SNTB1: variants seen among roughly 807,000 people sequenced by gnomAD.
SNTB1 encodes syntrophin beta 1.
A neutral mutation model predicts 48.9 loss-of-function variants in SNTB1; 36 were observed. The ratio of observed to expected loss-of-function variants is 0.74; its 90% CI spans 0.56 to 0.97. The LOEUF (loss-of-function observed/expected upper bound fraction) is 0.97, where lower values mean the gene tolerates loss of function less well. Among genes scored for constraint, SNTB1 ranks in the 50% least tolerant of loss-of-function variants. SNTB1 has a pLI of 0.00. For missense variants in SNTB1, 786 were observed against 703.4 expected, an observed-to-expected ratio of 1.12 and a Z score of -1.33; for synonymous variants, 299 against 294.6, an observed-to-expected ratio of 1.01 and a Z score of -0.15.
intron 2 of SNTB1, chr8:120,655,102 G>T: frequency 3.1e-6 from 1 of 320,798 alleles, no homozygotes; most frequent in South Asian, 2.4e-5. Flanking sequence ...ACATTTTGGG[G>T]TGTTTTTATT....
At chr8:120,795,140 A>C (rs1820101280) in intron 1 of SNTB1, among the ~76,000 whole-genome samples, 1 of 152,122 alleles carries the variant, frequency 6.6e-6, no homozygotes, top group South Asian at 2.1e-4. Flanking sequence ...TTTGTATCAA[A>C]TAACTATTTT....
chr8:120,749,876 A>C (rs1383394832), intron 1 of SNTB1, among the ~76,000 whole-genome samples: 1 of 152,106 alleles, frequency 6.6e-6, no homozygotes, highest in African/African-American at 2.4e-5. Flanking sequence ...TTTCTTTTTC[A>C]GGTGCAAAAA....
chr8:120,729,102 A>T (rs1231853401), intron 1 of SNTB1, among the ~76,000 whole-genome samples: 7 of 151,580 alleles, frequency 4.6e-5, no homozygotes, highest in Non-Finnish European at 2.9e-5. Context: ...CCTCAGCCTT[A>T]CAAGTAGCTG....
intron 1 of SNTB1, among the ~76,000 whole-genome samples, chr8:120,794,474 C>A (rs1225811733): frequency 6.7e-6 from 1 of 148,966 alleles, no homozygotes; most frequent in African/African-American, 2.5e-5. Context: ...AGTGTATGTA[C>A]TATTTTATAT....
In SNTB1 at chr8:120,734,754, A is replaced by G. The variant is rs762124645; in HGVS notation, c.572-40846T>C. On this transcript the variant is annotated intron_variant, in intron 1 of 6. Coordinates refer to ENST00000517992, the MANE Select transcript of SNTB1 (RefSeq NM_021021.4). Reference sequence around the variant, plus strand: ...GAACCTCCTCCAGAAAGAGAGCAAAATTGCAGCATCTATGTCATGTGGCCA... The same window carrying G: ...GAACCTCCTCCAGAAAGAGAGCAAAGTTGCAGCATCTATGTCATGTGGCCA... 1.6e-4 allele frequency among the ~76,000 whole-genome samples: 24 copies of G among 152,320 alleles called. No individual in the cohort carries two copies. In the South Asian group the frequency reaches 1.7e-3, roughly 11 times the overall value.
intron 4 of SNTB1, among the ~76,000 whole-genome samples, chr8:120,555,998 G>A (rs549341045): frequency 1.6e-4 from 24 of 152,160 alleles, no homozygotes; most frequent in Non-Finnish European, 2.1e-4. Context: ...CTAAATGTCT[G>A]TTGTTGGCAC....
intron 3 of SNTB1, among the ~76,000 whole-genome samples, chr8:120,592,695 T>C (rs1378778641): frequency 2.0e-5 from 3 of 152,132 alleles, no homozygotes; most frequent in Admixed American, 2.0e-4. Flanking sequence ...AGGCATTACA[T>C]AAGCCGTCAA....
At chr8:120,633,762 G>A (rs1047165320) in intron 2 of SNTB1, among the ~76,000 whole-genome samples, 5 of 152,064 alleles carry the variant, frequency 3.3e-5, no homozygotes, top group South Asian at 2.1e-4. Context: ...ACTTTATGTC[G>A]TTAACTTCTT....
intron 1 of SNTB1, among the ~76,000 whole-genome samples, chr8:120,747,365 G>A (rs1484057227): frequency 6.6e-6 from 1 of 152,144 alleles, no homozygotes; most frequent in African/African-American, 2.4e-5. Context: ...ATCTTGGCTA[G>A]TTGTAACCAC....
At chr8:120,595,368 C>A (rs1441517984) in intron 3 of SNTB1, among the ~76,000 whole-genome samples, 2 of 152,114 alleles carry the variant, frequency 1.3e-5, no homozygotes, top group East Asian at 3.9e-4. Context: ...CAAGAGTGAC[C>A]TCTGGTCATT....
At chr8:120,644,961 CT>C (rs1817261530) in intron 2 of SNTB1, among the ~76,000 whole-genome samples, 1 of 151,900 alleles carries the variant, frequency 6.6e-6, no homozygotes, top group African/African-American at 2.4e-5. Flanking sequence ...TGAATGTCTT[CT>C]TTTGAGAAGT....
At chr8:120,674,209 G>T (rs1587080004) in intron 2 of SNTB1, among the ~76,000 whole-genome samples, 2 of 152,348 alleles carry the variant, frequency 1.3e-5, no homozygotes, top group South Asian at 4.1e-4. Context: ...CTGCAGGAAT[G>T]CTGAATGGGA....
At chr8:120,568,664 C>T (rs1446796966) in intron 4 of SNTB1, among the ~76,000 whole-genome samples, 1 of 152,140 alleles carries the variant, frequency 6.6e-6, no homozygotes, top group Non-Finnish European at 1.5e-5. Context: ...AGGCTGCCGC[C>T]CAGGAGCAGG....
intron 1 of SNTB1, among the ~76,000 whole-genome samples, chr8:120,723,518 A>C (rs762141010): frequency 1.3e-5 from 2 of 152,168 alleles, no homozygotes; most frequent in African/African-American, 2.4e-5. Context: ...GTGTGAGATG[A>C]GCCTAGAGTT....
intron 1 of SNTB1, among the ~76,000 whole-genome samples, chr8:120,793,286 A>C (rs1361339592): frequency 6.6e-6 from 1 of 152,036 alleles, no homozygotes; most frequent in Admixed American, 6.6e-5. Flanking sequence ...TTGCACCCTA[A>C]GAAGAGAGTG....
At chr8:120,797,415 G>A (rs1820136261) in intron 1 of SNTB1, among the ~76,000 whole-genome samples, 1 of 151,930 alleles carries the variant, frequency 6.6e-6, no homozygotes, top group South Asian at 2.1e-4. Context: ...TTATTCAGGG[G>A]TTGATATTCA....
chr8:120,661,632 T>C (rs1468309138), intron 2 of SNTB1, among the ~76,000 whole-genome samples: 3 of 152,204 alleles, frequency 2.0e-5, no homozygotes, highest in South Asian at 2.1e-4. Flanking sequence ...TGTGTCCTAA[T>C]GTTCTCCCTC....
intron 2 of SNTB1, among the ~76,000 whole-genome samples, chr8:120,643,591 A>T (rs947230267): frequency 6.6e-6 from 1 of 152,208 alleles, no homozygotes; most frequent in Admixed American, 6.5e-5. Context: ...TGCAAATGCC[A>T]TTATTTTTTC....
chr8:120,716,372 A>G lies in SNTB1; in HGVS notation c.572-22464T>C, dbSNP rs185645121. Among the ~76,000 whole-genome samples the G allele has an allele frequency of 4.2e-3, 644 of 152,334 alleles. 6 individuals carry two copies. Among genetic ancestry groups the G allele is most frequent in the African/African-American group, 0.015 (608 of 41,568 alleles). On this transcript the variant is annotated intron_variant, in intron 1 of 6. Coordinates refer to ENST00000517992, the MANE Select transcript of SNTB1 (RefSeq NM_021021.4). ...TTTTATCCCTATTGAAACTATTCAC[A>G]TAATAAAATGTTATTTTCTTCACAC...
Sources: allele counts gnomAD v4.1 joint callset (sites outside exome capture counted in the v4.1 genomes callset), GRCh38; gene constraint gnomAD v4.1.1; transcripts MANE v1.5; gene names NCBI Gene and HGNC (gene_info 2026-07-23, HGNC 2026-07-21).